AQP5: variants seen among roughly 807,000 people sequenced by gnomAD.
The protein encoded by AQP5 is aquaporin 5.
In AQP5, 15 loss-of-function variants were observed where a neutral mutation model predicts 19.1. The observed-to-expected ratio is 0.79, with a 90% CI of 0.53 to 1.21. The LOEUF (loss-of-function observed/expected upper bound fraction) is 1.21. Among genes scored for constraint, AQP5 ranks in the 50% most tolerant of loss-of-function variants. The pLI, the probability that AQP5 is intolerant of heterozygous loss-of-function variation, is 0.00. For missense variants in AQP5, 355 were observed against 357.1 expected (o/e 0.99, Z 0.05); for synonymous variants, 182 against 160.3 (o/e 1.14, Z -1.02).
At chr12:49,964,735 G>T in intron 3 of AQP5, 2 of 985,386 alleles carry the variant, frequency 2.0e-6, no homozygotes, top group Non-Finnish European at 2.4e-6. Flanking sequence ...CGGTGTGGTT[G>T]GAGGGAGCCT....
In AQP5 at chr12:49,965,417, G is replaced by A; in HGVS notation, c.*240G>A. On this transcript the variant is annotated 3_prime_UTR_variant, in exon 4 of 4. Transcript: ENST00000293599. ...CTCTGGGACAGACCTCAGAGATTGT[G>A]AATGCAGTGCCAAGCTCACAGGCTG... 2.4e-6 allele frequency: 1 copy of A among 416,396 alleles called. No individual in the cohort carries two copies. The highest frequency in any genetic ancestry group is 4.2e-6 in the Non-Finnish European group (1 of 237,612). 25.8% of individuals were successfully genotyped at this position (416,396 alleles called of 1,614,324 possible).
intron 2 of AQP5, 87 bp downstream of exon 2, chr12:49,963,743 A>G: frequency 8.7e-6 from 13 of 1,496,282 alleles, no homozygotes; most frequent in Non-Finnish European, 9.9e-6. Context: ...CCCACTTCAG[A>G]TGGATGAGTC....
rs74091167 is a variant in AQP5 at position 49,963,071 on chromosome 12, A to G, written c.364-421A>G. On this transcript the variant is annotated intron_variant, in intron 1 of 3. Transcript: ENST00000293599. ...GAGGAGGATTTGCTTGGCCATTGTC[A>G]AGCTGTGAGTCAGCCGCACTGGAGA... The G allele has an allele frequency of 7.6e-3, 1,417 of 186,978 alleles. 24 individuals are homozygous for G. The highest frequency in any genetic ancestry group is 0.031 in the African/African-American group (1,328 of 43,262). 11.6% of individuals were successfully genotyped at this position (186,978 alleles called of 1,614,324 possible).
chr12:49,964,832 T>C, intron 3 of AQP5, 160 bp from the exon 4 acceptor site: 1 of 985,366 alleles, frequency 1.0e-6, no homozygotes, highest in Non-Finnish European at 1.2e-6. Context: ...TGTCAGTATA[T>C]TCGTCCCCGA....
intron 3 of AQP5, chr12:49,964,708 T>G (rs1005910722): frequency 1.0e-6 from 1 of 985,178 alleles, no homozygotes; most frequent in African/African-American, 1.7e-5. Context: ...CTCTGAAGGT[T>G]TATTTGCTTC....
Position 49,961,926 on chromosome 12 carries a change from C to A in AQP5, c.-92C>A, listed in dbSNP as rs1454109650. 1 of 786,582 alleles carries A rather than the reference C, an allele frequency of 1.3e-6. No homozygotes were observed. Among genetic ancestry groups the A allele is most frequent in the Non-Finnish European group, 1.7e-6 (1 of 603,346 alleles). 48.7% of individuals were successfully genotyped at this position (786,582 alleles called of 1,614,324 possible). A position where few individuals can be genotyped will look rare whatever the true frequency, so the allele number is the denominator to read the frequency against. On this transcript the variant is annotated 5_prime_UTR_variant, in exon 1 of 4. Coordinates refer to ENST00000293599, the MANE Select transcript of AQP5 (RefSeq NM_001651.4). ...CAGTGCGCGGCGCCCCGCAGCCAGGCCCCCGCCCCCGCCGCATCCACCTCC... is the reference window on the plus strand; with the variant it reads ...CAGTGCGCGGCGCCCCGCAGCCAGGACCCCGCCCCCGCCGCATCCACCTCC...
Position 49,964,994 on chromosome 12 carries a change from T to C in AQP5, c.615T>C (p.Val205=). Residue 205 remains valine (V), a splice_region_variant and synonymous_variant, in exon 4 of 4, where the codon GTT becomes GTC. Coordinates refer to ENST00000293599, the MANE Select transcript of AQP5 (RefSeq NM_001651.4). ...GACTCCTGCCCTGTCTCCACCAGGT[T>C]TTCTGGGTAGGGCCCATCGTGGGGG... ...VMNRFSPAHW[V]FWVGPIVGAV... is the part of the protein sequence containing the mutation. 6.2e-7 allele frequency: 1 copy of C among 1,612,176 alleles called. No individual in the cohort carries two copies. Among genetic ancestry groups the C allele is most frequent in the Non-Finnish European group, 8.5e-7 (1 of 1,179,066 alleles).
rs1274942368 is a variant in AQP5, at chr12:49,965,128, A to T, written c.749A>T (p.Glu250Val). Residue 250 changes from glutamate to valine, a missense_variant, in exon 4 of 4, where the codon GAG (glutamate) becomes GTG (valine). Physicochemically the swap from Glu to Val is moderately radical, Grantham distance 121 (BLOSUM62 -2). Coordinates refer to ENST00000293599, the MANE Select transcript of AQP5 (RefSeq NM_001651.4). The part of the protein sequence containing the change: ...KGTYEPDEDW[E>V]EQREERKKTM... ...ACGTATGAGCCTGACGAGGACTGGGAGGAGCAGCGGGAAGAGCGGAAGAAG... is the reference window on the plus strand; with the variant it reads ...ACGTATGAGCCTGACGAGGACTGGGTGGAGCAGCGGGAAGAGCGGAAGAAG... 2 of 1,613,754 alleles carry T rather than the reference A, an allele frequency of 1.2e-6. No homozygotes were observed. The highest frequency in any genetic ancestry group is 2.7e-5 in the African/African-American group (2 of 74,906).
rs11169227 is a variant in AQP5 at position 49,962,394 on chromosome 12, G to A, written c.363+14G>A. 0.047 allele frequency: 4,696 copies of A among 100,856 alleles called. 169 individuals are homozygous for A. The highest frequency in any genetic ancestry group is 0.18 in the African/African-American group (4,159 of 22,998). 6.2% of individuals were successfully genotyped at this position (100,856 alleles called of 1,614,324 possible). A position where few individuals can be genotyped will look rare whatever the true frequency, so the allele number is the denominator to read the frequency against. ...GCCGTCAACGCGGTGAGTGCCCTGG[G>A]GGGGGGGTGGGAGCCTCGACCCTGG... On this transcript the variant is annotated intron_variant, in intron 1 of 3. Coordinates refer to ENST00000293599, the MANE Select transcript of AQP5 (RefSeq NM_001651.4).
chr12:49,964,835 G>A (rs996902368), intron 3 of AQP5, 157 bp from the exon 4 acceptor site: 22 of 985,116 alleles, frequency 2.2e-5, no homozygotes, highest in East Asian at 2.3e-4. Context: ...CAGTATATTC[G>A]TCCCCGAGGT....
At position 49,964,661 on chromosome 12, in the gene AQP5, C is replaced by T. The variant is rs997181017; in HGVS notation, c.613-331C>T. On this transcript the variant is annotated intron_variant, in intron 3 of 3. Coordinates refer to ENST00000293599, the MANE Select transcript of AQP5 (RefSeq NM_001651.4). Reference sequence around the variant, plus strand: ...TATCCCTGCGTGGAGGGGACACGCGCTCTGTTCATCCGTCTCTCTGAGGAC... The same window carrying T: ...TATCCCTGCGTGGAGGGGACACGCGTTCTGTTCATCCGTCTCTCTGAGGAC... 1.5e-5 allele frequency: 15 copies of T among 985,252 alleles called. 1 individual carries two copies. The highest frequency in any genetic ancestry group is 1.0e-4 in the African/African-American group (6 of 57,262). The allele number at this position is 985,252 out of a possible 1,614,324, so 61.0% of individuals were successfully genotyped here.
rs1947477877 is a variant in AQP5, at chr12:49,965,280, C to T, written c.*103C>T. On this transcript the variant is annotated 3_prime_UTR_variant, in exon 4 of 4. Transcript: ENST00000293599. ...CTTTTTGCACAACCGGTCCTCTTGG[C>T]TGAGGAGGAGGAGCTGGTCACCCTG... 7.5e-7 allele frequency: 1 copy of T among 1,339,278 alleles called. No homozygotes were observed. Among genetic ancestry groups the T allele is most frequent in the Admixed American group, 2.8e-5 (1 of 35,452 alleles). The allele number at this position is 1,339,278 out of a possible 1,614,324, so 83.0% of individuals were successfully genotyped here.
chr12:49,963,196 G>A (rs1156295118), intron 1 of AQP5, among the ~76,000 whole-genome samples: 1 of 152,236 alleles, frequency 6.6e-6, no homozygotes, highest in Non-Finnish European at 1.5e-5. Context: ...CAGGATGGAG[G>A]GTAAATGCCA....
intron 3 of AQP5, 28 bp downstream of exon 3, chr12:49,964,203 T>G: frequency 6.2e-7 from 1 of 1,603,784 alleles, no homozygotes; most frequent in Non-Finnish European, 8.5e-7. Context: ...CCTGGCTCCC[T>G]GGAGATGAGG....
Position 49,963,567 on chromosome 12 carries a change from T to G in AQP5, c.439T>G (p.Phe147Val). Residue 147 changes from phenylalanine (F) to valine (V), a missense_variant, in exon 2 of 4, where the codon TTC (phenylalanine) becomes GTC (valine). Phe to Val is a conservative substitution (Grantham distance 50). Transcript: ENST00000293599. ...GACCTTCCAGCTGGCACTCTGCATC[T>G]TCGCCTCCACTGACTCCCGCCGCAC... ...ILTFQLALCIFASTDSRRTSP... is the reference protein window; with the variant it reads ...ILTFQLALCIVASTDSRRTSP... 6.2e-7 allele frequency: 1 copy of G among 1,613,872 alleles called. No individual in the cohort carries two copies. The highest frequency in any genetic ancestry group is 8.5e-7 in the Non-Finnish European group (1 of 1,180,046).
intron 2 of AQP5, 173 bp downstream of exon 2, chr12:49,963,829 C>T: frequency 9.8e-7 from 1 of 1,021,598 alleles, no homozygotes; most frequent in South Asian, 1.7e-5. Context: ...CCCCCCAAAA[C>T]CTCTGGGCTG....
At chr12:49,962,838 C>T in intron 1 of AQP5, 1 of 167,084 alleles carries the variant, frequency 6.0e-6, no homozygotes, top group Non-Finnish European at 1.3e-5. Flanking sequence ...TCTGCCACAG[C>T]AGGTGTCAAG....
In AQP5 at chr12:49,965,350, T is replaced by G; in HGVS notation, c.*173T>G. Reference sequence around the variant, plus strand: ...GAGAAGGAACCCATGATGGGACTCCTGGGGTAGGGGCCAGGGGCTGGGGTC... The same window carrying G: ...GAGAAGGAACCCATGATGGGACTCCGGGGGTAGGGGCCAGGGGCTGGGGTC... On this transcript the variant is annotated 3_prime_UTR_variant, in exon 4 of 4. Transcript: ENST00000293599. 2.6e-6 allele frequency: 2 copies of G among 756,054 alleles called. No individual in the cohort carries two copies. Among genetic ancestry groups the G allele is most frequent in the Non-Finnish European group, 4.1e-6 (2 of 492,188 alleles). The allele number at this position is 756,054 out of a possible 1,614,324, so 46.8% of individuals were successfully genotyped here. A position where few individuals can be genotyped will look rare whatever the true frequency, so the allele number is the denominator to read the frequency against.
Position 49,965,177 on chromosome 12 carries a change from A to G in AQP5, c.798A>G (p.Ter266TrpextTer12). 6.2e-7 allele frequency: 1 copy of G among 1,607,330 alleles called. No individual in the cohort carries two copies. Among genetic ancestry groups the G allele is most frequent in the African/African-American group, 1.3e-5 (1 of 74,840 alleles). The stretch of plus-strand genomic sequence containing the variant: ...AGACCATGGAGCTGACCACCCGCTG[A>G]CCAGTGTCAGGCAGGGGCCAGCCCC... Reference protein sequence around the residue: ...RKKTMELTTR* With the variant: ...RKKTMELTTRW The change falls in exon 4 of 4, where the codon TGA becomes TGG. Residue 266 changes from the stop codon to tryptophan (W), a stop_lost. Transcript: ENST00000293599.
Sources: allele counts gnomAD v4.1 joint callset (sites outside exome capture counted in the v4.1 genomes callset), GRCh38; gene constraint gnomAD v4.1.1; transcripts MANE v1.5; gene names NCBI Gene and HGNC (gene_info 2026-07-23, HGNC 2026-07-21).